Variants in ORC5 observed in about 807,000 individuals in gnomAD.
ORC5 encodes origin recognition complex subunit 5, also known as protein phosphatase 1, regulatory subunit 117.
Under a neutral mutation model 58.8 loss-of-function variants are expected in ORC5, and 39 were observed. The ratio of observed to expected loss-of-function variants is 0.66; its 90% confidence interval spans 0.51 to 0.87. The LOEUF is 0.87. Among genes scored for constraint, ORC5 ranks in the 40% least tolerant of loss-of-function variants. The probability of loss-of-function intolerance (pLI) is 0.00; values close to 1 mark genes in which losing one functional copy is unlikely to be tolerated. For missense variants in ORC5, 493 were observed against 506.3 expected (o/e 0.97, Z 0.25); for synonymous variants, 218 against 177.6 (o/e 1.23, Z -1.81).
At chr7:104,135,605 A>C (rs1242701856) in intron 13 of ORC5, among the ~76,000 whole-genome samples, 1 of 152,102 alleles carries the variant, frequency 6.6e-6, no homozygotes, top group Non-Finnish European at 1.5e-5. Context: ...TCATTCAATA[A>C]TTTATTATTT....
At chr7:104,185,044 C>T (rs80335113) in intron 6 of ORC5, among the ~76,000 whole-genome samples, 1 of 139,626 alleles carries the variant, frequency 7.2e-6, no homozygotes, top group African/African-American at 2.6e-5. Context: ...TTCTGCCCCC[C>T]ACCTTTTGAG....
chr7:104,143,706 G>C (rs1798710382), intron 12 of ORC5, among the ~76,000 whole-genome samples: 1 of 151,980 alleles, frequency 6.6e-6, no homozygotes, highest in South Asian at 2.1e-4. Flanking sequence ...ACTCATTTCA[G>C]TCATTTGTTG....
chr7:104,160,115 C>T (rs551666647), intron 12 of ORC5, among the ~76,000 whole-genome samples: 97 of 152,072 alleles, frequency 6.4e-4, no homozygotes, highest in African/African-American at 2.3e-3. Context: ...TTCAAGAACA[C>T]AATAAATGTA....
intron 12 of ORC5, among the ~76,000 whole-genome samples, chr7:104,149,851 T>C (rs547911841): frequency 2.6e-5 from 4 of 152,324 alleles, no homozygotes; most frequent in African/African-American, 9.6e-5. Flanking sequence ...TCCTACGTTA[T>C]GACTGAGGAA....
chr7:104,169,848 T>C (rs2115890176), intron 8 of ORC5, among the ~76,000 whole-genome samples: 1 of 152,324 alleles, frequency 6.6e-6, no homozygotes, highest in Non-Finnish European at 1.5e-5. Context: ...CTTGTCAGAA[T>C]ACATAATATT....
chr7:104,177,836 C>T (rs1799354441), intron 8 of ORC5, among the ~76,000 whole-genome samples: 1 of 152,108 alleles, frequency 6.6e-6, no homozygotes, highest in African/African-American at 2.4e-5. Flanking sequence ...GTTTTCTGTT[C>T]CTATGTTAGT....
intron 5 of ORC5, among the ~76,000 whole-genome samples, chr7:104,192,442 T>G (rs887213687): frequency 1.3e-5 from 2 of 152,128 alleles, no homozygotes; most frequent in East Asian, 1.9e-4. Flanking sequence ...GGGCATTCAG[T>G]AGAGATTCCA....
intron 12 of ORC5, among the ~76,000 whole-genome samples, chr7:104,140,424 T>C (rs903188865): frequency 2.6e-5 from 4 of 152,226 alleles, no homozygotes; most frequent in African/African-American, 9.6e-5. Flanking sequence ...TATAGTCCTT[T>C]TAATTCGAAT....
intron 6 of ORC5, 171 bp from the exon 7 acceptor site, chr7:104,184,342 G>C (rs1449769090): frequency 1.9e-5 from 11 of 582,176 alleles, no homozygotes; most frequent in East Asian, 2.9e-5. Flanking sequence ...CAGCTACTCA[G>C]GAGGCTGAGG....
chr7:104,207,881 C>T lies in ORC5; in HGVS notation c.24G>A (p.Val8=). MPHLENV[V]LCRESQVSIL... is the part of the protein sequence containing the mutation. ...TGGACACTTGAGACTCGCGACAAAG[C>T]ACCACGTTTTCCAAGTGGGGCATTC... The change falls in exon 1 of 14, where the codon GTG becomes GTA. Residue 8 remains valine, a synonymous_variant. Transcript: ENST00000297431. 1.9e-6 allele frequency: 3 copies of T among 1,614,190 alleles called. No individual in the cohort carries two copies. Among genetic ancestry groups the T allele is most frequent in the Non-Finnish European group, 2.5e-6 (3 of 1,180,030 alleles).
chr7:104,138,304 G>A lies in ORC5; in HGVS notation c.1150-1411C>T, dbSNP rs1170949638. On this transcript the variant is annotated intron_variant, in intron 12 of 13. Coordinates refer to ENST00000297431, the MANE Select transcript of ORC5 (RefSeq NM_002553.4). The surrounding 1 kb of genome is among the most constrained non-coding windows in gnomAD (Gnocchi z 4.7). ...CATGACCGCTAAACCTTTAAAAGCT[G>A]CAAATAAAGCACATTCCTCCTCTAA... Among the ~76,000 whole-genome samples the A allele has an allele frequency of 1.3e-5, 2 of 152,154 alleles. No homozygotes were observed. Among genetic ancestry groups the A allele is most frequent in the Non-Finnish European group, 2.9e-5 (2 of 68,030 alleles).
At chr7:104,197,620 TA>T in intron 4 of ORC5, 104 bp downstream of exon 4, 1 of 647,630 alleles carries the variant, frequency 1.5e-6, no homozygotes, top group South Asian at 2.2e-5. Context: ...ACTAAAATTA[TA>T]TTAAAATACT....
intron 12 of ORC5, 64 bp downstream of exon 12, chr7:104,161,008 T>G: frequency 5.6e-6 from 5 of 888,306 alleles, no homozygotes; most frequent in Non-Finnish European, 9.4e-6. Context: ...CCTGGAATTC[T>G]ATTGACTCTA....
At chr7:104,144,342 T>A (rs1201126996) in intron 12 of ORC5, among the ~76,000 whole-genome samples, 1 of 152,340 alleles carries the variant, frequency 6.6e-6, no homozygotes, top group South Asian at 2.1e-4. Flanking sequence ...ATTATTTCTA[T>A]ATATGCATAA....
Position 104,168,460 on chromosome 7 carries a change from C to A in ORC5, c.877+13G>T, listed in dbSNP as rs1413177225. 3.1e-6 allele frequency: 5 copies of A among 1,608,746 alleles called. No individual in the cohort carries two copies. The highest frequency in any genetic ancestry group is 2.2e-5 in the South Asian group (2 of 90,084). On this transcript the variant is annotated intron_variant, in intron 9 of 13. Coordinates refer to ENST00000297431, the MANE Select transcript of ORC5 (RefSeq NM_002553.4). ...AGTATCTCCGGTAACTGTCTCAATA[C>A]TTCCTCTGATACCTTTCAGTTGCCC...
intron 4 of ORC5, among the ~76,000 whole-genome samples, chr7:104,195,896 C>A (rs1799789577): frequency 6.6e-6 from 1 of 152,118 alleles, no homozygotes; most frequent in Non-Finnish European, 1.5e-5. Flanking sequence ...GTAATGTTCT[C>A]ATCTATTCAT....
intron 1 of ORC5, among the ~76,000 whole-genome samples, chr7:104,205,239 G>A (rs1198879048): frequency 1.3e-5 from 2 of 151,580 alleles, no homozygotes; most frequent in African/African-American, 4.9e-5. Flanking sequence ...ACAGGTGTGT[G>A]CCACCACACC....
In ORC5 at chr7:104,133,229, G is replaced by C. The variant is rs1312529997; in HGVS notation, c.1262+3552C>G. On this transcript the variant is annotated intron_variant, in intron 13 of 13. Transcript: ENST00000297431. This position sits in a 1 kb window ranked among gnomAD's most constrained non-coding sequence, Gnocchi z 4.7. ...ACAGCATGGATAATAAATTATAAGA[G>C]GATAAGAGCAGACAGAAGATCAATT... 6.6e-6 allele frequency among the ~76,000 whole-genome samples: 1 copy of C among 152,114 alleles called. No homozygotes were observed. Among genetic ancestry groups the C allele is most frequent in the Non-Finnish European group, 1.5e-5 (1 of 68,028 alleles).
Position 104,166,367 on chromosome 7 carries a change from G to GA in ORC5, c.990+404dup, listed in dbSNP as rs577393170. Among the ~76,000 whole-genome samples the GA allele has an allele frequency of 2.8e-4, 42 of 149,932 alleles. No homozygotes were observed. The South Asian group carries it at 9.5e-3, about 34-fold the overall frequency. Reference sequence around the variant, plus strand: ...CAAGAACATAGTGGGTAAAGAAGAAGAAAAAAACAACTCTAAACTGGGATT... The same window carrying GA: ...CAAGAACATAGTGGGTAAAGAAGAAGAAAAAAAACAACTCTAAACTGGGATT... On this transcript the variant is annotated intron_variant, in intron 10 of 13. Coordinates refer to ENST00000297431, the MANE Select transcript of ORC5 (RefSeq NM_002553.4).
Sources: gnomAD v4.1 joint callset for allele counts (sites outside exome capture counted in the v4.1 genomes callset) on GRCh38, gnomAD v4.1.1 for gene constraint, Gnocchi (gnomAD v3.1) non-coding constraint, MANE v1.5 for transcripts, NCBI Gene and HGNC (gene_info 2026-07-23, HGNC 2026-07-21) for gene names.